COL4A5: variants seen among roughly 807,000 people sequenced by gnomAD.
COL4A5 encodes the protein collagen type IV alpha 5 chain, also known as collagen alpha-5(IV) chain.
Under a neutral mutation model 130.2 loss-of-function variants are expected in COL4A5, and 26 were observed. The observed-to-expected ratio is 0.20, with a 90% CI of 0.15 to 0.28. The LOEUF (loss-of-function observed/expected upper bound fraction) is 0.28, where lower values mean the gene tolerates loss of function less well. Ranked by LOEUF, COL4A5 falls within the 10% of genes least tolerant of loss-of-function variation. The pLI, the probability that COL4A5 is intolerant of heterozygous loss-of-function variation, is 1.00. For missense variants in COL4A5, 1,131 were observed against 1,344.3 expected, an observed-to-expected ratio of 0.84 and a Z score of 2.48; for synonymous variants, 496 against 439.6, an observed-to-expected ratio of 1.13 and a Z score of -1.60.
intron 1 of COL4A5, among the ~76,000 whole-genome samples, chrX:108,473,595 T>TTATA (rs777363794): frequency 5.0e-5 from 3 of 59,560 alleles, no homozygotes; most frequent in East Asian, 3.6e-4. Context: ...ATATAAAGTT[T>TTATA]TATATATATA....
intron 19 of COL4A5, among the ~76,000 whole-genome samples, chrX:108,588,856 A>G (rs749754736): frequency 1.8e-5 from 2 of 111,532 alleles, no homozygotes; most frequent in East Asian, 5.6e-4. Context: ...ACAAATTACT[A>G]TGAATTAGGG....
intron 49 of COL4A5, chrX:108,690,163 CT>C (rs1181064182): frequency 3.1e-6 from 1 of 319,428 alleles, no homozygotes; most frequent in Admixed American, 9.2e-5. Flanking sequence ...TATAAATATT[CT>C]GCTTTTTCAT....
In COL4A5 at chrX:108,626,358, T is replaced by C; in HGVS notation, c.3246+9T>C. The C allele has an allele frequency of 1.7e-6, 2 of 1,210,691 alleles. No homozygotes were observed. The highest frequency in any genetic ancestry group is 2.2e-6 in the Non-Finnish European group (2 of 894,866). On this transcript the variant is annotated intron_variant, in intron 36 of 52. Coordinates refer to ENST00000328300, the MANE Select transcript of COL4A5 (RefSeq NM_033380.3). ...GTCTTCCTGGTCCAAAGGTAATCTT[T>C]GGCATATAGTTTTAGGCACATACTT...
At chrX:108,547,767 C>A (rs2065684772) in intron 2 of COL4A5, among the ~76,000 whole-genome samples, 1 of 111,836 alleles carries the variant, frequency 8.9e-6, no homozygotes, top group African/African-American at 3.2e-5. Context: ...CCAGTTTGAG[C>A]TTCCAGGCTG....
chrX:108,658,531 T>A (rs1466083707), intron 37 of COL4A5, among the ~76,000 whole-genome samples: 1 of 111,410 alleles, frequency 9.0e-6, no homozygotes. Flanking sequence ...TTAAGGAATC[T>A]GGATCTGTAG....
chrX:108,626,077 G>A, intron 35 of COL4A5, 133 bp from the exon 36 acceptor site: 1 of 588,410 alleles, frequency 1.7e-6, no homozygotes, highest in Non-Finnish European at 2.7e-6. Context: ...AATTGTGTTT[G>A]TGAGGCTCAT....
At chrX:108,524,124 CA>C (rs1286808652) in intron 1 of COL4A5, among the ~76,000 whole-genome samples, 1 of 111,432 alleles carries the variant, frequency 9.0e-6, no homozygotes, top group East Asian at 2.8e-4. Flanking sequence ...TATGTACCCA[CA>C]AAAAATTAAA....
intron 26 of COL4A5, 21 bp downstream of exon 26, chrX:108,601,506 A>G (rs2066627642): frequency 9.4e-7 from 1 of 1,068,800 alleles, no homozygotes; most frequent in African/African-American, 1.9e-5. Flanking sequence ...AATTTATTTC[A>G]AAGTAACTTC....
At chrX:108,452,434 A>T (rs2064528235) in intron 1 of COL4A5, among the ~76,000 whole-genome samples, 1 of 111,872 alleles carries the variant, frequency 8.9e-6, no homozygotes, top group Non-Finnish European at 1.9e-5. Flanking sequence ...CATTTTCACG[A>T]TATTGATTCT....
intron 40 of COL4A5, 58 bp from the exon 41 acceptor site, chrX:108,668,261 T>C (rs2068124768): frequency 9.0e-6 from 10 of 1,111,478 alleles, no homozygotes; most frequent in Non-Finnish European, 1.2e-5. Context: ...TAGCTAACCT[T>C]ATAAGCAAGC....
chrX:108,487,586 G>T (rs1178981923), intron 1 of COL4A5, among the ~76,000 whole-genome samples: 2 of 110,805 alleles, frequency 1.8e-5, no homozygotes, highest in African/African-American at 6.6e-5. Flanking sequence ...TTGGCCATTT[G>T]CCAACTGATA....
chrX:108,675,793 A>G (rs1355299983), intron 43 of COL4A5, among the ~76,000 whole-genome samples: 2 of 111,996 alleles, frequency 1.8e-5, no homozygotes, highest in Non-Finnish European at 3.8e-5. Context: ...ACTAATAAAG[A>G]AAATAATAAT....
intron 2 of COL4A5, among the ~76,000 whole-genome samples, chrX:108,540,286 T>C (rs1325326502): frequency 3.6e-5 from 4 of 111,017 alleles, no homozygotes; most frequent in African/African-American, 1.3e-4. Context: ...CAAACTCTGA[T>C]TGGTCTTGTT....
At chrX:108,543,061 T>C (rs1240696292) in intron 2 of COL4A5, among the ~76,000 whole-genome samples, 2 of 111,411 alleles carry the variant, frequency 1.8e-5, no homozygotes, top group Middle Eastern at 4.6e-3. Flanking sequence ...GTAGGTTGCC[T>C]GTTCACTCTG....
Position 108,568,789 on chromosome X carries a change from C to T in COL4A5, c.352C>T (p.Pro118Ser). Residue 118 changes from proline to serine, a missense_variant, in exon 6 of 53, where the codon CCT (proline) becomes TCT (serine). Transcript: ENST00000328300. ...GMPGHDGAPG[P>S]QGIPGCNGTK... ...GCCAGGCCACGATGGGGCCCCAGGA[C>T]CTCAAGGTATTCCCGGATGCAATGG... The T allele has an allele frequency of 8.3e-7, 1 of 1,210,844 alleles. No homozygotes were observed. The highest frequency in any genetic ancestry group is 1.1e-6 in the Non-Finnish European group (1 of 894,819).
At chrX:108,592,308 T>C (rs973566703) in intron 21 of COL4A5, among the ~76,000 whole-genome samples, 1 of 111,344 alleles carries the variant, frequency 9.0e-6, no homozygotes, top group African/African-American at 3.3e-5. Context: ...CCATTTCCTC[T>C]TATTTCCCCA....
intron 21 of COL4A5, among the ~76,000 whole-genome samples, chrX:108,593,821 G>GT (rs1174202958): frequency 8.9e-6 from 1 of 111,884 alleles, no homozygotes; most frequent in African/African-American, 3.3e-5. Context: ...TGGCTTTATT[G>GT]TAAGTGTTGG....
intron 29 of COL4A5, among the ~76,000 whole-genome samples, chrX:108,612,368 T>C (rs147538216): frequency 0.015 from 1,624 of 111,294 alleles, 24 homozygotes; most frequent in African/African-American, 0.05. Flanking sequence ...ACTCCCTATA[T>C]TCATAGATGA....
intron 36 of COL4A5, among the ~76,000 whole-genome samples, chrX:108,646,862 G>C (rs1245924311): frequency 1.4e-4 from 15 of 109,920 alleles, no homozygotes; most frequent in East Asian, 2.9e-4. Context: ...GCTTGTTTTT[G>C]TCAGGTTTGT....
Sources: gnomAD v4.1 joint callset for allele counts (sites outside exome capture counted in the v4.1 genomes callset) on GRCh38, gnomAD v4.1.1 for gene constraint, MANE v1.5 for transcripts, NCBI Gene and HGNC (gene_info 2026-07-23, HGNC 2026-07-21) for gene names.